Variants in ZNF75A observed in about 807,000 individuals in gnomAD.
ZNF75A encodes zinc finger protein 75A.
Under a neutral mutation model 46.3 loss-of-function variants are expected in ZNF75A, and 36 were observed. That is an observed-to-expected ratio of 0.78 (90% CI 0.60 to 1.03). ZNF75A has a LOEUF of 1.03. ZNF75A is among the 50% of genes least tolerant of loss of function. ZNF75A has a pLI of 0.00. For missense variants in ZNF75A, 595 were observed against 551.3 expected (o/e 1.08, Z -0.79); for synonymous variants, 234 against 189.9 (o/e 1.23, Z -1.91).
At position 3,317,190 on chromosome 16, in the gene ZNF75A, G is replaced by A. The variant is rs550445611; in HGVS notation, c.935G>A (p.Gly312Glu). 134 of 1,609,502 alleles carry A rather than the reference G, an allele frequency of 8.3e-5. No individual in the cohort carries two copies. In the South Asian group the frequency reaches 1.4e-3, roughly 17 times the overall value. Reference protein sequence around the residue: ...FKDSAGKSPTGLKLKNDTENH... With the variant: ...FKDSAGKSPTELKLKNDTENH... ...TGTGTGATTATGTTTATTCCAACAG[G>A]GTTAAAGCTCAAAAACGACACTGAA... Residue 312 changes from glycine (G) to glutamate (E), a missense_variant and splice_region_variant, in exon 7 of 7, where the codon GGG becomes GAG. By Grantham distance (98) the Gly-to-Glu change is moderately conservative (BLOSUM62 -2). Coordinates refer to ENST00000669516, the MANE Select transcript of ZNF75A (RefSeq NM_001302109.2).
rs1249841746 is a variant in ZNF75A at position 3,312,756 on chromosome 16, G to T, written c.684G>T (p.Leu228Phe). The stretch of plus-strand genomic sequence containing the variant: ...GGACAGTGACACCTGAGCACGTCTT[G>T]CCTGAGTCCCAGGTGAGCTGTGCTT... ...KDWTVTPEHVLPESQSLLTFE... is the reference protein window; with the variant it reads ...KDWTVTPEHVFPESQSLLTFE... Residue 228 changes from leucine to phenylalanine, a missense_variant, in exon 4 of 7, where the codon TTG (leucine) becomes TTT (phenylalanine). Coordinates refer to ENST00000669516, the MANE Select transcript of ZNF75A (RefSeq NM_001302109.2). 1.8e-6 allele frequency: 2 copies of T among 1,086,360 alleles called. No homozygotes were observed. Among genetic ancestry groups the T allele is most frequent in the African/African-American group, 3.3e-5 (2 of 60,770 alleles). The allele number at this position is 1,086,360 out of a possible 1,614,324, so 67.3% of individuals were successfully genotyped here.
intron 2 of ZNF75A, chr16:3,309,434 A>G (rs577105747): frequency 7.1e-6 from 1 of 140,110 alleles, no homozygotes; most frequent in East Asian, 2.3e-4. Context: ...TGGGCAACAC[A>G]GCAAGACTCC....
At chr16:3,316,066 C>A (rs975070486) in intron 5 of ZNF75A, 3 of 152,212 alleles carry the variant, frequency 2.0e-5, no homozygotes, top group African/African-American at 7.2e-5. Flanking sequence ...TCCCACAAGA[C>A]CTTATCTAAA....
intron 5 of ZNF75A, 128 bp downstream of exon 5, chr16:3,313,303 G>A (rs1053916300): frequency 7.8e-6 from 7 of 901,892 alleles, no homozygotes; most frequent in South Asian, 5.3e-5. Flanking sequence ...TATAGGGGAG[G>A]GTGTAGGTAG....
downstream of ZNF75A, among the ~76,000 whole-genome samples, chr16:3,321,390 T>TC (rs748160131): frequency 6.6e-6 from 1 of 152,186 alleles, no homozygotes; most frequent in Non-Finnish European, 1.5e-5. Flanking sequence ...TCCTGACCTG[T>TC]CCCCTGCACT....
intron 5 of ZNF75A, among the ~76,000 whole-genome samples, chr16:3,314,127 G>A (rs183652790): frequency 6.6e-6 from 1 of 152,030 alleles, no homozygotes; most frequent in African/African-American, 2.4e-5. Context: ...CTGGGGAACC[G>A]GTTCTAGGGG....
At chr16:3,316,283 A>G (rs1272282582) in intron 5 of ZNF75A, 1 of 152,218 alleles carries the variant, frequency 6.6e-6, no homozygotes, top group African/African-American at 2.4e-5. Context: ...CACTCAATAC[A>G]TGTTTGTTGA....
chr16:3,309,443 C>A (rs1960546087), intron 2 of ZNF75A: 1 of 133,430 alleles, frequency 7.5e-6, no homozygotes, highest in Non-Finnish European at 1.6e-5. Flanking sequence ...CAGCAAGACT[C>A]CATCTCACAA....
At chr16:3,316,197 T>C (rs568109595) in intron 5 of ZNF75A, 7 of 152,362 alleles carry the variant, frequency 4.6e-5, no homozygotes, top group Non-Finnish European at 8.8e-5. Flanking sequence ...TCTACTGTAA[T>C]GTAAAGTCCG....
chr16:3,311,189 G>A (rs181416598), intron 2 of ZNF75A, among the ~76,000 whole-genome samples: 27 of 151,854 alleles, frequency 1.8e-4, no homozygotes, highest in Admixed American at 1.2e-3. Flanking sequence ...TATAATCCCA[G>A]CACTTTGGGA....
chr16:3,322,144 C>T (rs1211363083), downstream of ZNF75A, among the ~76,000 whole-genome samples: 1 of 152,144 alleles, frequency 6.6e-6, no homozygotes, highest in Non-Finnish European at 1.5e-5. Flanking sequence ...ACTGAATTCT[C>T]TCCTATGTAG....
intron 5 of ZNF75A, chr16:3,314,703 C>T (rs1243287877): frequency 1.0e-6 from 1 of 985,298 alleles, no homozygotes; most frequent in Non-Finnish European, 1.2e-6. Context: ...TAGGCTGCTT[C>T]TGCAGTGGCA....
chr16:3,319,607 A>G (rs933029321), downstream of ZNF75A, among the ~76,000 whole-genome samples: 1 of 152,166 alleles, frequency 6.6e-6, no homozygotes, highest in Non-Finnish European at 1.5e-5. Context: ...GCACTGTCCT[A>G]TACTCTGAGG....
chr16:3,310,446 G>A (rs1321274408), intron 2 of ZNF75A, among the ~76,000 whole-genome samples: 1 of 151,954 alleles, frequency 6.6e-6, no homozygotes, highest in East Asian at 1.9e-4. Flanking sequence ...GCAACATGGT[G>A]AAGCTCAGTC....
chr16:3,310,166 C>T (rs529401092), intron 2 of ZNF75A, among the ~76,000 whole-genome samples: 72 of 151,914 alleles, frequency 4.7e-4, no homozygotes, highest in African/African-American at 6.8e-4. Flanking sequence ...GAGGCTGAGG[C>T]GGGCGGATCA....
chr16:3,320,291 G>A (rs903028071), downstream of ZNF75A, among the ~76,000 whole-genome samples: 4 of 152,160 alleles, frequency 2.6e-5, no homozygotes, highest in African/African-American at 7.2e-5. Context: ...TGATCCACCC[G>A]CCTCGGCCTC....
downstream of ZNF75A, among the ~76,000 whole-genome samples, chr16:3,320,518 T>A (rs184326567): frequency 1.3e-3 from 199 of 152,254 alleles, 2 homozygotes; most frequent in Non-Finnish European, 4.4e-4. Context: ...ACTTAAGACC[T>A]CCCAAGACTG....
chr16:3,317,392 A>G lies in ZNF75A; in HGVS notation c.1137A>G (p.Ser379=). 1 of 1,614,188 alleles carries G rather than the reference A, an allele frequency of 6.2e-7. No individual in the cohort carries two copies. The highest frequency in any genetic ancestry group is 8.5e-7 in the Non-Finnish European group (1 of 1,180,026). The change falls in exon 7 of 7, where the codon TCA becomes TCG. Residue 379 remains serine (S), a synonymous_variant. Transcript: ENST00000669516. The stretch of plus-strand genomic sequence containing the variant: ...CAGTGAAGAAAAGAAAGAAACTTTC[A>G]ACCTGGAAACAAGAGCTGCTCAAAC... ...DFPVKKRKKL[S]TWKQELLKLM...
intron 6 of ZNF75A, 71 bp downstream of exon 6, chr16:3,317,093 T>G (rs896141241): frequency 1.9e-6 from 3 of 1,539,314 alleles, no homozygotes; most frequent in Middle Eastern, 1.7e-4. Context: ...CATTTTAAGA[T>G]TTTGTTCCTT....
Sources: gnomAD v4.1 joint callset for allele counts (sites outside exome capture counted in the v4.1 genomes callset) on GRCh38, gnomAD v4.1.1 for gene constraint, MANE v1.5 for transcripts, NCBI Gene and HGNC (gene_info 2026-07-23, HGNC 2026-07-21) for gene names.